DTNA: variants seen among roughly 807,000 people sequenced by gnomAD.
DTNA encodes dystrobrevin alpha.
DTNA carries 43 observed loss-of-function variants against 100.7 expected under a neutral mutation model. The observed-to-expected ratio is 0.43, with a 90% confidence interval of 0.33 to 0.55. The LOEUF is 0.55. DTNA is among the 20% of genes least tolerant of loss of function. DTNA has a pLI of 0.04. For missense variants in DTNA, 798 were observed against 953.9 expected (o/e 0.84, Z 2.15); for synonymous variants, 349 against 347.9 (o/e 1.00, Z -0.04).
intron 4 of DTNA, 22 bp downstream of exon 4, chr18:34,794,272 G>T: frequency 6.2e-7 from 1 of 1,613,594 alleles, no homozygotes; most frequent in African/African-American, 1.3e-5. Flanking sequence ...CTGAATGTCT[G>T]TTCCTCTCTA....
intron 1 of DTNA, among the ~76,000 whole-genome samples, chr18:34,615,209 G>A (rs1032002733): frequency 6.6e-6 from 1 of 152,058 alleles, no homozygotes; most frequent in African/African-American, 2.4e-5. Context: ...GCAGAAGCAA[G>A]AGAAAGAGTG....
chr18:34,577,210 T>G (rs1598697725), intron 1 of DTNA, among the ~76,000 whole-genome samples: 1 of 152,220 alleles, frequency 6.6e-6, no homozygotes, highest in African/African-American at 2.4e-5. Flanking sequence ...TTTGTCACCA[T>G]GAAATGTCTC....
At chr18:34,516,390 G>A (rs1023124560) in intron 1 of DTNA, among the ~76,000 whole-genome samples, 9 of 152,092 alleles carry the variant, frequency 5.9e-5, no homozygotes, top group African/African-American at 2.2e-4. Flanking sequence ...TGCTGATGAA[G>A]TTTCATGTCC....
intron 1 of DTNA, among the ~76,000 whole-genome samples, chr18:34,712,072 T>G (rs548424194): frequency 6.6e-6 from 1 of 152,104 alleles, no homozygotes; most frequent in East Asian, 1.9e-4. Flanking sequence ...TTCTAAAGTA[T>G]GAAATTATTG....
At position 34,889,970 on chromosome 18, in the gene DTNA, A is replaced by C. The variant is rs2096955409; in HGVS notation, c.*2236A>C. The C allele has an allele frequency of 8.9e-7, 1 of 1,118,988 alleles. No individual in the cohort carries two copies. Among genetic ancestry groups the C allele is most frequent in the Non-Finnish European group, 1.1e-6 (1 of 912,910 alleles). The allele number at this position is 1,118,988 out of a possible 1,614,324, so 69.3% of individuals were successfully genotyped here. Reference sequence around the variant, plus strand: ...ACTGGTGCCTCATACTCAGTATTGAAAACCACTACATCCCAGCTACCTATA... The same window carrying C: ...ACTGGTGCCTCATACTCAGTATTGACAACCACTACATCCCAGCTACCTATA... On this transcript the variant is annotated 3_prime_UTR_variant, in exon 23 of 23. Transcript: ENST00000444659.
chr18:34,609,336 C>T (rs1002908573), intron 1 of DTNA, among the ~76,000 whole-genome samples: 1 of 151,564 alleles, frequency 6.6e-6, no homozygotes, highest in Non-Finnish European at 1.5e-5. Flanking sequence ...GCTCCGCCTC[C>T]CGGGTTCAAG....
At chr18:34,776,169 C>G (rs2094036902) in intron 3 of DTNA, among the ~76,000 whole-genome samples, 1 of 152,102 alleles carries the variant, frequency 6.6e-6, no homozygotes, top group South Asian at 2.1e-4. Context: ...TTATCAAGTT[C>G]CAAGTCCCTT....
chr18:34,664,141 A>G (rs548060348), intron 1 of DTNA, among the ~76,000 whole-genome samples: 9 of 152,274 alleles, frequency 5.9e-5, no homozygotes, highest in South Asian at 2.1e-4. Flanking sequence ...CTACAAGTCT[A>G]TGTGAGCCTG....
chr18:34,847,844 G>A (rs1250624931), intron 13 of DTNA, among the ~76,000 whole-genome samples: 1 of 152,192 alleles, frequency 6.6e-6, no homozygotes. Flanking sequence ...CTAAAGGGGA[G>A]GAAATTACAT....
chr18:34,810,626 T>C (rs2095468547), intron 5 of DTNA, among the ~76,000 whole-genome samples: 1 of 152,184 alleles, frequency 6.6e-6, no homozygotes, highest in South Asian at 2.1e-4. Context: ...GAGTGTTCTA[T>C]AGCACTGTAG....
chr18:34,729,492 C>G (rs558030406), intron 1 of DTNA, among the ~76,000 whole-genome samples: 2 of 152,308 alleles, frequency 1.3e-5, no homozygotes, highest in Middle Eastern at 6.8e-3. Flanking sequence ...TCCTTCAGAA[C>G]CCCGCTCTGA....
intron 1 of DTNA, among the ~76,000 whole-genome samples, chr18:34,723,758 G>T (rs2085923313): frequency 6.6e-6 from 1 of 152,062 alleles, no homozygotes. Context: ...AATTAGCCGG[G>T]CGTGGTGACG....
chr18:34,741,900 CG>C (rs1297672768), intron 1 of DTNA, among the ~76,000 whole-genome samples: 1 of 152,104 alleles, frequency 6.6e-6, no homozygotes, highest in East Asian at 1.9e-4. Flanking sequence ...GTTAGACTGA[CG>C]TGAGTTCAAA....
chr18:34,597,364 G>A (rs140841918), intron 1 of DTNA, among the ~76,000 whole-genome samples: 6 of 152,046 alleles, frequency 3.9e-5, no homozygotes, highest in East Asian at 3.9e-4. Context: ...CTTAAATCCC[G>A]TGCTTTCCAT....
intron 3 of DTNA, 98 bp downstream of exon 3, chr18:34,766,139 T>C (rs1428990696): frequency 7.7e-7 from 1 of 1,292,910 alleles, no homozygotes; most frequent in African/African-American, 1.5e-5. Context: ...CAAATATTGC[T>C]AATATTGTTA....
intron 1 of DTNA, among the ~76,000 whole-genome samples, chr18:34,675,595 A>G (rs994425859): frequency 4.6e-5 from 7 of 152,184 alleles, no homozygotes; most frequent in Non-Finnish European, 8.8e-5. Flanking sequence ...AGAAAATGTA[A>G]TAGGATTTTT....
intron 1 of DTNA, among the ~76,000 whole-genome samples, chr18:34,592,505 C>T (rs915574268): frequency 7.0e-5 from 10 of 143,050 alleles, no homozygotes; most frequent in African/African-American, 1.2e-4. Flanking sequence ...CACACACACA[C>T]ATTTTGTTTT....
At chr18:34,813,473 C>G (rs1384305774) in intron 6 of DTNA, among the ~76,000 whole-genome samples, 1 of 151,598 alleles carries the variant, frequency 6.6e-6, no homozygotes, top group Non-Finnish European at 1.5e-5. Context: ...TATCCCTGCC[C>G]CATAAAATGC....
chr18:34,511,267 A>G (rs1407021999), intron 1 of DTNA, among the ~76,000 whole-genome samples: 1 of 152,118 alleles, frequency 6.6e-6, no homozygotes, highest in African/African-American at 2.4e-5. Context: ...AATGGTGAAT[A>G]TATACTTAAG....
Sources: gnomAD v4.1 joint callset for allele counts (sites outside exome capture counted in the v4.1 genomes callset) on GRCh38, gnomAD v4.1.1 for gene constraint, MANE v1.5 for transcripts, NCBI Gene and HGNC (gene_info 2026-07-23, HGNC 2026-07-21) for gene names.